The following CPNE4 variants were observed in gnomAD, a reference collection of about 807,000 sequenced individuals.
CPNE4 encodes copine 4.
In CPNE4, 25 loss-of-function variants were observed where a neutral mutation model predicts 67.9. That is an observed-to-expected ratio of 0.37 (90% CI 0.27 to 0.51). CPNE4 has a LOEUF of 0.51. CPNE4 is among the 20% of genes least tolerant of loss of function. The pLI is 0.93. For missense variants in CPNE4, 464 were observed against 690.8 expected, an observed-to-expected ratio of 0.67 and a Z score of 3.68; for synonymous variants, 242 against 244.9, an observed-to-expected ratio of 0.99 and a Z score of 0.11.
intron 7 of CPNE4, among the ~76,000 whole-genome samples, chr3:131,626,691 A>G (rs1010819700): frequency 2.6e-5 from 4 of 152,258 alleles, no homozygotes; most frequent in Non-Finnish European, 5.9e-5. Context: ...AGCTATGATC[A>G]TTGATGAAGA....
intron 1 of CPNE4, among the ~76,000 whole-genome samples, chr3:131,947,929 T>C (rs2071604832): frequency 6.6e-6 from 1 of 152,200 alleles, no homozygotes; most frequent in African/African-American, 2.4e-5. Flanking sequence ...AAAAGGTCAT[T>C]GAAATCTTTT....
rs558495801 is a variant in CPNE4 at position 131,730,045 on chromosome 3, T to C, written c.181-6420A>G. The stretch of plus-strand genomic sequence containing the variant: ...AACATACTTTTATTTCACAGTTTGA[T>C]ATATTTGAAATTGGTATGTGTGTTT... On this transcript the variant is annotated intron_variant, in intron 2 of 15. Coordinates refer to ENST00000429747, the MANE Select transcript of CPNE4 (RefSeq NM_130808.3). 4.0e-4 allele frequency among the ~76,000 whole-genome samples: 61 copies of C among 152,372 alleles called. No homozygotes were observed. The South Asian group carries it at 0.012, about 29-fold the overall frequency.
intron 2 of CPNE4, among the ~76,000 whole-genome samples, chr3:131,754,150 T>C (rs1195776247): frequency 1.3e-5 from 2 of 151,472 alleles, no homozygotes; most frequent in Admixed American, 6.6e-5. Context: ...CATAAGGTAT[T>C]TTTTTTATGG....
chr3:131,896,040 G>GA (rs1271478501), intron 2 of CPNE4, among the ~76,000 whole-genome samples: 3,831 of 146,740 alleles, frequency 0.026, 148 homozygotes, highest in African/African-American at 0.088. Context: ...TTACTTCTAG[G>GA]AAAAAAAAAA....
chr3:131,676,913 G>A (rs1295248482), intron 6 of CPNE4, among the ~76,000 whole-genome samples: 1 of 152,084 alleles, frequency 6.6e-6, no homozygotes, highest in African/African-American at 2.4e-5. Flanking sequence ...AGATTATTGG[G>A]TTGAATGATA....
chr3:131,912,849 G>A (rs1359391123), intron 1 of CPNE4, among the ~76,000 whole-genome samples: 1 of 152,190 alleles, frequency 6.6e-6, no homozygotes, highest in Non-Finnish European at 1.5e-5. Context: ...AGAGTGTGGA[G>A]TAGGGCCTGA....
At chr3:131,546,336 A>G (rs1346717335) in intron 14 of CPNE4, among the ~76,000 whole-genome samples, 1 of 152,182 alleles carries the variant, frequency 6.6e-6, no homozygotes, top group Admixed American at 6.5e-5. Flanking sequence ...ATGCTCATGG[A>G]TGAAATATTA....
chr3:131,941,362 T>C (rs2071381579), intron 1 of CPNE4, among the ~76,000 whole-genome samples: 1 of 152,086 alleles, frequency 6.6e-6, no homozygotes, highest in African/African-American at 2.4e-5. Context: ...TATATTTAAT[T>C]ATGCCTTAAT....
rs139488910 is a variant in CPNE4, at chr3:131,880,382, G to A, written c.180+24882C>T. ...CGCCCGCCCGACCTCCCAAAGTGCT[G>A]GGATTACAGGCGTGAGCCACCACCC... On this transcript the variant is annotated intron_variant, in intron 2 of 15. Transcript: ENST00000429747. 8.9e-3 allele frequency among the ~76,000 whole-genome samples: 1,357 copies of A among 152,208 alleles called. 15 individuals are homozygous for A. The highest frequency in any genetic ancestry group is 0.03 in the African/African-American group (1,257 of 41,518).
chr3:131,600,760 T>G (rs2107723823), intron 7 of CPNE4, among the ~76,000 whole-genome samples: 1 of 152,292 alleles, frequency 6.6e-6, no homozygotes, highest in African/African-American at 2.4e-5. Flanking sequence ...CCTCTAATCC[T>G]GAAACTCAGA....
chr3:132,015,336 T>A (rs1457225196), intron 1 of CPNE4, among the ~76,000 whole-genome samples: 1 of 152,176 alleles, frequency 6.6e-6, no homozygotes, highest in Non-Finnish European at 1.5e-5. Flanking sequence ...GAGCTTACAG[T>A]GAGGCTTACA....
At chr3:131,852,948 A>G (rs890605811) in intron 2 of CPNE4, among the ~76,000 whole-genome samples, 4 of 151,794 alleles carry the variant, frequency 2.6e-5, no homozygotes, top group Admixed American at 1.3e-4. Context: ...GTAACTGTTA[A>G]GAGAAATTTT....
At chr3:132,030,464 T>A (rs926898562) in intron 1 of CPNE4, among the ~76,000 whole-genome samples, 3 of 152,224 alleles carry the variant, frequency 2.0e-5, no homozygotes, top group African/African-American at 7.2e-5. Flanking sequence ...AAGTTGCTGA[T>A]CACAGTTTAG....
chr3:131,781,529 TC>T (rs2083432052), intron 2 of CPNE4, among the ~76,000 whole-genome samples: 1 of 152,120 alleles, frequency 6.6e-6, no homozygotes, highest in African/African-American at 2.4e-5. Context: ...ATAGTCTCCT[TC>T]TAAATAAAAG....
intron 7 of CPNE4, among the ~76,000 whole-genome samples, chr3:131,644,878 G>A (rs1326381638): frequency 6.6e-6 from 1 of 152,174 alleles, no homozygotes; most frequent in Admixed American, 6.5e-5. Context: ...CAGAAGCAGA[G>A]AAACAGCAAG....
chr3:131,798,973 C>T (rs1291290391), intron 2 of CPNE4, among the ~76,000 whole-genome samples: 2 of 152,078 alleles, frequency 1.3e-5, no homozygotes, highest in Non-Finnish European at 2.9e-5. Flanking sequence ...AACTTCATTA[C>T]ACTTTGAAAT....
intron 12 of CPNE4, among the ~76,000 whole-genome samples, chr3:131,552,886 C>A (rs764865639): frequency 6.6e-6 from 1 of 152,026 alleles, no homozygotes; most frequent in African/African-American, 2.4e-5. Flanking sequence ...CAAAAAAACT[C>A]AATAACCCAA....
intron 7 of CPNE4, among the ~76,000 whole-genome samples, chr3:131,595,712 A>C (rs1035747814): frequency 2.0e-5 from 3 of 152,194 alleles, no homozygotes; most frequent in African/African-American, 7.2e-5. Context: ...TACAGCAAGA[A>C]GGGCACCAAG....
intron 1 of CPNE4, among the ~76,000 whole-genome samples, chr3:132,033,405 CTGTG>C (rs59853721): frequency 0.3 from 45,034 of 150,296 alleles, 6,793 homozygotes; most frequent in Non-Finnish European, 0.32. Context: ...GTGTGTGTGT[CTGTG>C]TGTGTGTGTG....
Sources: allele counts gnomAD v4.1 joint callset (sites outside exome capture counted in the v4.1 genomes callset), GRCh38; gene constraint gnomAD v4.1.1; transcripts MANE v1.5; gene names NCBI Gene and HGNC (gene_info 2026-07-23, HGNC 2026-07-21).